Variants in TCF7L1 observed in about 807,000 individuals in gnomAD.
TCF7L1 encodes the protein transcription factor 7 like 1, also known as transcription factor 7-like 1.
Under a neutral mutation model 63.7 loss-of-function variants are expected in TCF7L1, and 18 were observed. That is an observed-to-expected ratio of 0.28 (90% CI 0.20 to 0.42). TCF7L1 has a LOEUF of 0.42. Among genes scored for constraint, TCF7L1 ranks in the 10% least tolerant of loss-of-function variants. The pLI is 1.00. For missense variants in TCF7L1, 654 were observed against 779.3 expected, an observed-to-expected ratio of 0.84 and a Z score of 1.91; for synonymous variants, 355 against 340.9, an observed-to-expected ratio of 1.04 and a Z score of -0.46.
In TCF7L1 at chr2:85,134,418, A is replaced by G; in HGVS notation, c.409A>G (p.Asn137Asp). 1 of 1,563,006 alleles carries G rather than the reference A, an allele frequency of 6.4e-7. No individual in the cohort carries two copies. The highest frequency in any genetic ancestry group is 8.7e-7 in the Non-Finnish European group (1 of 1,153,306). ...GGACCTGAGCAGCCCGTACCTCTCC[A>G]ACGGACCCCTGTCTCCCGGAGGAGC... The part of the protein sequence containing the change: ...IPDLSSPYLS[N>D]GPLSPGGART... Residue 137 changes from asparagine (N) to aspartate (D), a missense_variant, in exon 3 of 12, where the codon AAC becomes GAC. By Grantham distance (23) the Asn-to-Asp change is conservative. Coordinates refer to ENST00000282111, the MANE Select transcript of TCF7L1 (RefSeq NM_031283.3). The surrounding 1 kb of genome is among the most constrained non-coding windows in gnomAD (Gnocchi z 5.0).
At chr2:85,173,448 C>T (rs550247951) in intron 3 of TCF7L1, among the ~76,000 whole-genome samples, 10 of 152,102 alleles carry the variant, frequency 6.6e-5, no homozygotes, top group African/African-American at 1.4e-4. Flanking sequence ...AAGCACTCTG[C>T]GGGGAGGAGG....
At chr2:85,301,145 A>T (rs1163748514) in intron 4 of TCF7L1, among the ~76,000 whole-genome samples, 3 of 152,232 alleles carry the variant, frequency 2.0e-5, no homozygotes, top group Non-Finnish European at 2.9e-5. Context: ...ATCAAAAAAC[A>T]TAATTTCTGT....
chr2:85,134,590 C>G lies in TCF7L1; in HGVS notation c.441+140C>G, dbSNP rs1677546082. On this transcript the variant is annotated intron_variant, in intron 3 of 11. Coordinates refer to ENST00000282111, the MANE Select transcript of TCF7L1 (RefSeq NM_031283.3). This position sits in a 1 kb window ranked among gnomAD's most constrained non-coding sequence, Gnocchi z 5.0. ...CTTGTTTGCGGAGTTGAACTACTCTCTGGCGGCCGAGCGCGAGGCTGCGCT... is the reference window on the plus strand; with the variant it reads ...CTTGTTTGCGGAGTTGAACTACTCTGTGGCGGCCGAGCGCGAGGCTGCGCT... The G allele has an allele frequency of 1.7e-6, 2 of 1,201,958 alleles. No homozygotes were observed. The allele number at this position is 1,201,958 out of a possible 1,614,324, so 74.5% of individuals were successfully genotyped here. A position where few individuals can be genotyped will look rare whatever the true frequency, so the allele number is the denominator to read the frequency against.
chr2:85,182,595 A>AAACCCC (rs1349544748), intron 3 of TCF7L1, among the ~76,000 whole-genome samples: 1 of 152,178 alleles, frequency 6.6e-6, no homozygotes, highest in East Asian at 1.9e-4. Flanking sequence ...TGATGCTAGA[A>AAACCCC]AACCCCAGGT....
intron 4 of TCF7L1, among the ~76,000 whole-genome samples, chr2:85,292,833 C>T (rs914811215): frequency 2.0e-5 from 3 of 152,274 alleles, no homozygotes; most frequent in African/African-American, 7.2e-5. Flanking sequence ...CTGCCTTAGC[C>T]TCCCAAAGTG....
chr2:85,230,171 G>C (rs1680045381), intron 3 of TCF7L1, among the ~76,000 whole-genome samples: 1 of 152,096 alleles, frequency 6.6e-6, no homozygotes, highest in Admixed American at 6.5e-5. Flanking sequence ...ACTTTCTTCA[G>C]TTGACTCCCC....
intron 3 of TCF7L1, among the ~76,000 whole-genome samples, chr2:85,212,940 C>G (rs775049565): frequency 6.6e-6 from 1 of 152,054 alleles, no homozygotes; most frequent in African/African-American, 2.4e-5. Flanking sequence ...CTAAGATGTC[C>G]CCTGGGACTC....
At chr2:85,225,089 T>C (rs1415666290) in intron 3 of TCF7L1, among the ~76,000 whole-genome samples, 2 of 152,356 alleles carry the variant, frequency 1.3e-5, no homozygotes, top group Non-Finnish European at 2.9e-5. Context: ...CAGATGGTTG[T>C]AGATGTGCAG....
At position 85,258,315 on chromosome 2, in the gene TCF7L1, G is replaced by A. The variant is rs138820552; in HGVS notation, c.442-25180G>A. Among the ~76,000 whole-genome samples the A allele has an allele frequency of 1.7e-3, 265 of 152,222 alleles. 1 individual carries two copies. The highest frequency in any genetic ancestry group is 5.9e-3 in the African/African-American group (244 of 41,512). ...CTTCCTGACCAGGCCAGGAATCCACGGAGCTGAGGATCCAAAGAATGGGAT... is the reference window on the plus strand; with the variant it reads ...CTTCCTGACCAGGCCAGGAATCCACAGAGCTGAGGATCCAAAGAATGGGAT... On this transcript the variant is annotated intron_variant, in intron 3 of 11. Transcript: ENST00000282111.
At chr2:85,281,305 A>G (rs1223315719) in intron 3 of TCF7L1, among the ~76,000 whole-genome samples, 2 of 152,304 alleles carry the variant, frequency 1.3e-5, no homozygotes, top group South Asian at 2.1e-4. Context: ...GATTACAGGC[A>G]TAGCCACTGC....
At chr2:85,263,287 A>C (rs1240832346) in intron 3 of TCF7L1, among the ~76,000 whole-genome samples, 2 of 141,818 alleles carry the variant, frequency 1.4e-5, no homozygotes, top group African/African-American at 5.2e-5. Context: ...AGGCATCGGG[A>C]ACCGCTGGAG....
At chr2:85,180,227 T>A (rs953183512) in intron 3 of TCF7L1, among the ~76,000 whole-genome samples, 1 of 150,336 alleles carries the variant, frequency 6.7e-6, no homozygotes, top group African/African-American at 2.5e-5. Context: ...TTTTTGTTTT[T>A]GTTTTTGTTT....
intron 3 of TCF7L1, among the ~76,000 whole-genome samples, chr2:85,149,311 A>G (rs1169093986): frequency 1.1e-5 from 1 of 93,888 alleles, no homozygotes; most frequent in Non-Finnish European, 2.2e-5. Context: ...GTATATATGT[A>G]TATACACATA....
At chr2:85,199,556 A>T (rs765748448) in intron 3 of TCF7L1, among the ~76,000 whole-genome samples, 42 of 151,938 alleles carry the variant, frequency 2.8e-4, no homozygotes, top group Admixed American at 1.1e-3. Flanking sequence ...CCCAAACTCC[A>T]CCCCAGACCA....
chr2:85,271,169 A>G (rs933623754), intron 3 of TCF7L1, among the ~76,000 whole-genome samples: 6 of 151,894 alleles, frequency 4.0e-5, no homozygotes, highest in African/African-American at 1.2e-4. Flanking sequence ...CTGGAGTTCA[A>G]TGGTGCGATC....
intron 3 of TCF7L1, among the ~76,000 whole-genome samples, chr2:85,270,260 G>A (rs1681118351): frequency 6.6e-6 from 1 of 152,180 alleles, no homozygotes; most frequent in Non-Finnish European, 1.5e-5. Context: ...CTCCCATAGG[G>A]GAAAGTCCGT....
At chr2:85,222,079 T>C (rs1349254059) in intron 3 of TCF7L1, among the ~76,000 whole-genome samples, 2 of 152,148 alleles carry the variant, frequency 1.3e-5, no homozygotes, top group East Asian at 1.9e-4. Flanking sequence ...CGGTGGCTCA[T>C]GCCTATAATC....
chr2:85,156,967 T>G (rs1484156966), intron 3 of TCF7L1, among the ~76,000 whole-genome samples: 1 of 152,220 alleles, frequency 6.6e-6, no homozygotes, highest in Non-Finnish European at 1.5e-5. Flanking sequence ...AGGTCAGGGA[T>G]GTTGCTAACC....
intron 3 of TCF7L1, among the ~76,000 whole-genome samples, chr2:85,208,157 C>T (rs568377096): frequency 2.0e-5 from 3 of 152,142 alleles, no homozygotes; most frequent in South Asian, 2.1e-4. Context: ...CCACCAGCCT[C>T]GGCCTCCCAA....
Sources: allele counts gnomAD v4.1 joint callset (sites outside exome capture counted in the v4.1 genomes callset), GRCh38; gene constraint gnomAD v4.1.1; non-coding constraint Gnocchi (gnomAD v3.1); transcripts MANE v1.5; gene names NCBI Gene and HGNC (gene_info 2026-07-23, HGNC 2026-07-21).